Variants in MGAM2 observed in about 807,000 individuals in gnomAD.
The protein encoded by MGAM2 is probable maltase-glucoamylase 2.
A neutral mutation model predicts 96.1 loss-of-function variants in MGAM2; 98 were observed. That is an observed-to-expected ratio of 1.02 (90% confidence interval 0.87 to 1.21). The LOEUF is 1.21. Ranked by LOEUF, MGAM2 falls within the 50% of genes most tolerant of loss-of-function variation. MGAM2 has a pLI of 0.00. For missense variants in MGAM2, 2,055 were observed against 1,182.4 expected, an observed-to-expected ratio of 1.74 and a Z score of -10.82; for synonymous variants, 749 against 414.8, an observed-to-expected ratio of 1.81 and a Z score of -9.79.
At chr7:142,126,175 A>G (rs1240232265) in intron 3 of MGAM2, among the ~76,000 whole-genome samples, 1 of 152,070 alleles carries the variant, frequency 6.6e-6, no homozygotes, top group African/African-American at 2.4e-5. Context: ...ATGTTAAAAT[A>G]TTTTTTAATT....
chr7:142,115,089 C>A (rs532553409), intron 1 of MGAM2, among the ~76,000 whole-genome samples: 1 of 152,266 alleles, frequency 6.6e-6, no homozygotes, highest in East Asian at 1.9e-4. Flanking sequence ...TAGTGGCATG[C>A]ACTTGTAGTC....
At chr7:142,172,467 G>C (rs748919635) in intron 29 of MGAM2, among the ~76,000 whole-genome samples, 185 bp from the exon 30 acceptor site, 13 of 152,158 alleles carry the variant, frequency 8.5e-5, no homozygotes, top group Non-Finnish European at 1.8e-4. Context: ...AAAAGTTGTT[G>C]AGATTGCATA....
chr7:142,161,800 A>G (rs1391421729), intron 22 of MGAM2, among the ~76,000 whole-genome samples, 155 bp from the exon 23 acceptor site: 1 of 152,212 alleles, frequency 6.6e-6, no homozygotes, highest in Non-Finnish European at 1.5e-5. Context: ...AAAATGGTCC[A>G]GGAAATATTT....
chr7:142,123,312 A>G (rs1390887759), intron 3 of MGAM2, among the ~76,000 whole-genome samples: 1 of 151,786 alleles, frequency 6.6e-6, no homozygotes, highest in Non-Finnish European at 1.5e-5. Flanking sequence ...AATAATTTTT[A>G]TTGGCTCTAT....
Position 142,175,750 on chromosome 7 carries a change from G to GA in MGAM2, c.3791dup (p.Asn1264LysfsTer17), listed in dbSNP as rs764586593. The GA allele has an allele frequency of 4.3e-6, 3 of 702,574 alleles. No homozygotes were observed. Among genetic ancestry groups the GA allele is most frequent in the Non-Finnish European group, 7.8e-6 (3 of 384,940 alleles). 43.5% of individuals were successfully genotyped at this position (702,574 alleles called of 1,614,324 possible). A position where few individuals can be genotyped will look rare whatever the true frequency, so the allele number is the denominator to read the frequency against. On this transcript the variant is annotated frameshift_variant, in exon 32 of 48. Transcript: ENST00000477922. LOFTEE classifies it high-confidence loss of function. ...TCAGTCTTCTGATTGAGCAAATGAA[G>GA]AAAAATGGCATGAGATTTATTCTCA...
At chr7:142,117,076 T>C (rs996479830) in intron 2 of MGAM2, 97 bp downstream of exon 2, 1 of 666,798 alleles carries the variant, frequency 1.5e-6, no homozygotes, top group Non-Finnish European at 2.7e-6. Flanking sequence ...AATATGCCAC[T>C]ACATTGCAGT....
chr7:142,170,890 C>A (rs1796163552), intron 27 of MGAM2, among the ~76,000 whole-genome samples: 1 of 152,160 alleles, frequency 6.6e-6, no homozygotes, highest in Admixed American at 6.5e-5. Flanking sequence ...TTGGCCAACT[C>A]AAGAGAAGTT....
At chr7:142,201,071 C>CTTTTT (rs72092512) in intron 45 of MGAM2, among the ~76,000 whole-genome samples, 1,011 of 84,146 alleles carry the variant, frequency 0.012, 114 homozygotes, top group African/African-American at 0.015. Flanking sequence ...CATCCTTTTT[C>CTTTTT]TTTTTTTTTT....
intron 45 of MGAM2, among the ~76,000 whole-genome samples, chr7:142,204,151 A>G (rs1313988689): frequency 2.6e-5 from 4 of 151,914 alleles, no homozygotes; most frequent in Non-Finnish European, 5.9e-5. Flanking sequence ...TAGATCTTTA[A>G]TTACTCTTAG....
At chr7:142,182,941 C>T (rs1796584857) in intron 32 of MGAM2, among the ~76,000 whole-genome samples, 1 of 152,152 alleles carries the variant, frequency 6.6e-6, no homozygotes, top group South Asian at 2.1e-4. Flanking sequence ...TTATTACTTA[C>T]AGGTTGGGGT....
At chr7:142,115,617 G>T (rs927606214) in intron 1 of MGAM2, among the ~76,000 whole-genome samples, 1 of 152,078 alleles carries the variant, frequency 6.6e-6, no homozygotes, top group Non-Finnish European at 1.5e-5. Context: ...AGGCCAAGGT[G>T]GGCAGATCAG....
chr7:142,130,607 T>C (rs904129454), intron 3 of MGAM2, among the ~76,000 whole-genome samples: 2 of 152,194 alleles, frequency 1.3e-5, no homozygotes, highest in Non-Finnish European at 2.9e-5. Context: ...ACAGTGACTG[T>C]GTGTTCCCTC....
At chr7:142,208,894 G>A (rs988878134) in intron 46 of MGAM2, among the ~76,000 whole-genome samples, 1 of 152,182 alleles carries the variant, frequency 6.6e-6, no homozygotes, top group Non-Finnish European at 1.5e-5. Context: ...GTTTTCCAAA[G>A]ATGAGAAATT....
chr7:142,111,782 A>C lies in MGAM2; in HGVS notation c.-26A>C, dbSNP rs752948709. The C allele has an allele frequency of 6.6e-5, 10 of 152,210 alleles. No homozygotes were observed. Among genetic ancestry groups the C allele is most frequent in the Non-Finnish European group, 1.5e-4 (10 of 68,040 alleles). The allele number at this position is 152,210 out of a possible 1,614,324, so 9.4% of individuals were successfully genotyped here. ...CTATGAATTGCTGAGGGAGAGATACAGCATAGAAAAAAACAAGGTGATGCG... is the reference window on the plus strand; with the variant it reads ...CTATGAATTGCTGAGGGAGAGATACCGCATAGAAAAAAACAAGGTGATGCG... On this transcript the variant is annotated 5_prime_UTR_variant, in exon 1 of 48. Transcript: ENST00000477922.
At chr7:142,186,813 G>GA (rs1170422365) in intron 35 of MGAM2, among the ~76,000 whole-genome samples, 1 of 152,174 alleles carries the variant, frequency 6.6e-6, no homozygotes, top group Non-Finnish European at 1.5e-5. Flanking sequence ...AAACACAGGG[G>GA]CCTCCCTGAC....
rs74671395 is a variant in MGAM2, at chr7:142,195,537, A to G, written c.4347-617A>G. On this transcript the variant is annotated intron_variant, in intron 37 of 47. Transcript: ENST00000477922. Reference sequence around the variant, plus strand: ...CACCCGGCTAATTTTTTTTTTTTTTAGTAGAGACAGGGTTTCACCATGTTG... The same window carrying G: ...CACCCGGCTAATTTTTTTTTTTTTTGGTAGAGACAGGGTTTCACCATGTTG... 3.7e-5 allele frequency among the ~76,000 whole-genome samples: 4 copies of G among 108,120 alleles called. No individual in the cohort carries two copies. In the East Asian group the frequency reaches 7.6e-4, roughly 21 times the overall value. The allele number at this position is 108,120 out of a possible 152,430, so 70.9% of individuals were successfully genotyped here. A position where few individuals can be genotyped will look rare whatever the true frequency, so the allele number is the denominator to read the frequency against.
chr7:142,183,803 A>G (rs1238964003), intron 33 of MGAM2, among the ~76,000 whole-genome samples: 2 of 152,014 alleles, frequency 1.3e-5, no homozygotes, highest in Admixed American at 6.6e-5. Context: ...ATTCGTCTTT[A>G]TGGCTTCAAT....
Position 142,169,247 on chromosome 7 carries a change from C to T in MGAM2, c.3028-828C>T, listed in dbSNP as rs541605723. Among the ~76,000 whole-genome samples the T allele has an allele frequency of 2.4e-4, 36 of 152,156 alleles. No individual in the cohort carries two copies. The South Asian group carries it at 7.3e-3, about 31-fold the overall frequency. The stretch of plus-strand genomic sequence containing the variant: ...AACCATCCTGGCCAACATGGTAAAA[C>T]CCCGTCCCTACTAAAATACAAAAAA... On this transcript the variant is annotated intron_variant, in intron 26 of 47. Transcript: ENST00000477922.
chr7:142,173,447 T>C, intron 31 of MGAM2, 93 bp downstream of exon 31: 1 of 639,832 alleles, frequency 1.6e-6, no homozygotes, highest in Non-Finnish European at 2.9e-6. Flanking sequence ...TTATCAAAGA[T>C]AACTTGATAC....
Sources: gnomAD v4.1 joint callset for allele counts (sites outside exome capture counted in the v4.1 genomes callset) on GRCh38, gnomAD v4.1.1 for gene constraint, MANE v1.5 for transcripts, NCBI Gene and HGNC (gene_info 2026-07-23, HGNC 2026-07-21) for gene names.